The following BMPR1A variants were observed in gnomAD, a reference collection of about 807,000 sequenced individuals.
The protein encoded by BMPR1A is bone morphogenetic protein receptor type 1A, also known as bone morphogenetic protein receptor type-1A.
BMPR1A carries 7 observed loss-of-function variants against 66.0 expected under a neutral mutation model. The observed-to-expected ratio is 0.11, with a 90% CI of 0.06 to 0.20. The LOEUF is 0.20. Among genes scored for constraint, BMPR1A ranks in the 10% least tolerant of loss-of-function variants. The probability of loss-of-function intolerance (pLI) is 1.00; values close to 1 mark genes in which losing one functional copy is unlikely to be tolerated. For synonymous variants in BMPR1A, 200 were observed against 229.7 expected, an observed-to-expected ratio of 0.87 and a Z score of 1.17; for missense variants, 408 against 669.1, an observed-to-expected ratio of 0.61 and a Z score of 4.31.
chr10:86,766,615 G>A (rs1308568953), intron 1 of BMPR1A, among the ~76,000 whole-genome samples: 1 of 101,156 alleles, frequency 9.9e-6, no homozygotes, highest in African/African-American at 6.9e-5. Flanking sequence ...AATCATATCA[G>A]TCTTTTTTTT....
intron 7 of BMPR1A, among the ~76,000 whole-genome samples, chr10:86,910,295 G>A (rs1028269309): frequency 6.6e-6 from 1 of 152,090 alleles, no homozygotes; most frequent in Admixed American, 6.6e-5. Context: ...CTGAGATTGC[G>A]CCATTGCACT....
chr10:86,814,673 A>G (rs1456664589), intron 1 of BMPR1A, among the ~76,000 whole-genome samples: 1 of 152,122 alleles, frequency 6.6e-6, no homozygotes, highest in Non-Finnish European at 1.5e-5. Context: ...AAATACTAAT[A>G]GTAGGTTCTA....
At position 86,892,093 on chromosome 10, in the gene BMPR1A, ATGTTTTGTTT is replaced by A. The variant is rs772231659; in HGVS notation, c.231-22_231-13del. ...TCGTTAGTACTTTCTATGTGAATTT[ATGTTTTGTTT>A]TGTTTTGTTTTTTTCTGTTTTAGAA... On this transcript the variant is annotated intron_variant, in intron 4 of 12. Coordinates refer to ENST00000372037, the MANE Select transcript of BMPR1A (RefSeq NM_004329.3). The A allele has an allele frequency of 3.3e-6, 5 of 1,536,592 alleles. No individual in the cohort carries two copies. The South Asian group carries it at 4.5e-5, about 14-fold the overall frequency.
At chr10:86,766,801 G>A (rs1056302742) in intron 1 of BMPR1A, among the ~76,000 whole-genome samples, 1 of 151,246 alleles carries the variant, frequency 6.6e-6, no homozygotes, top group African/African-American at 2.4e-5. Context: ...GTGGAGACGG[G>A]GTTTCACCGT....
rs186173839 is a variant in BMPR1A, at chr10:86,869,626, G to T, written c.-152-6241G>T. Among the ~76,000 whole-genome samples the T allele has an allele frequency of 7.2e-3, 1,097 of 152,006 alleles. 34 individuals are homozygous for T. In the East Asian group the frequency reaches 0.078, roughly 11 times the overall value. ...ACAAAAATTAGCTGGGCGTGATGGC[G>T]CATGCCTGTAATCTCAGCTACTCGG... On this transcript the variant is annotated intron_variant, in intron 2 of 12. Transcript: ENST00000372037.
intron 3 of BMPR1A, among the ~76,000 whole-genome samples, chr10:86,886,641 A>G (rs1843070644): frequency 6.6e-6 from 1 of 152,084 alleles, no homozygotes; most frequent in Non-Finnish European, 1.5e-5. Context: ...GCTGTCCCCT[A>G]GGGAGAGCAC....
intron 1 of BMPR1A, among the ~76,000 whole-genome samples, chr10:86,772,044 C>A (rs1160183828): frequency 6.7e-6 from 1 of 148,390 alleles, no homozygotes; most frequent in African/African-American, 2.6e-5. Flanking sequence ...ATTCTTCCCA[C>A]ATACCTTCTT....
chr10:86,923,656 C>A lies in BMPR1A; in HGVS notation c.1536C>A (p.Leu512=), dbSNP rs758796892. ...ECWAHNPASR[L]TALRIKKTLA... is the part of the protein sequence containing the mutation. ...GGGCCCACAATCCAGCCTCCAGACTCACAGCATTGAGAATTAAGAAGACGC... is the reference window on the plus strand; with the variant it reads ...GGGCCCACAATCCAGCCTCCAGACTAACAGCATTGAGAATTAAGAAGACGC... The change falls in exon 13 of 13, where the codon CTC becomes CTA. Residue 512 remains leucine, a synonymous_variant. Transcript: ENST00000372037. 6.2e-7 allele frequency: 1 copy of A among 1,614,212 alleles called. No individual in the cohort carries two copies. Among genetic ancestry groups the A allele is most frequent in the African/African-American group, 1.3e-5 (1 of 75,056 alleles).
rs1165681364 is a variant in BMPR1A, at chr10:86,924,042, T to C, written c.*323T>C. The C allele has an allele frequency of 9.4e-6, 4 of 425,946 alleles. No homozygotes were observed. The East Asian group carries it at 1.6e-4, about 17-fold the overall frequency. The allele number at this position is 425,946 out of a possible 1,614,324, so 26.4% of individuals were successfully genotyped here. ...GTCAAGCTCTGGGTACTGAATTGCC[T>C]GTTCATAAAACGGTGCTTTCTGTGA... is the stretch of plus-strand genomic sequence containing the variant. On this transcript the variant is annotated 3_prime_UTR_variant, in exon 13 of 13. Transcript: ENST00000372037.
Position 86,890,243 on chromosome 10 carries a change from C to T in BMPR1A, c.230+19C>T, listed in dbSNP as rs751663790. 1.2e-6 allele frequency: 2 copies of T among 1,612,218 alleles called. No individual in the cohort carries two copies. The highest frequency in any genetic ancestry group is 1.7e-6 in the Non-Finnish European group (2 of 1,178,444). ...CATGCATGTAAGTATTTTATGCAGC[C>T]CTTCTTAAGAGTTAGGAGAATAGAG... is the stretch of plus-strand genomic sequence containing the variant. On this transcript the variant is annotated intron_variant, in intron 4 of 12. Coordinates refer to ENST00000372037, the MANE Select transcript of BMPR1A (RefSeq NM_004329.3).
intron 1 of BMPR1A, among the ~76,000 whole-genome samples, chr10:86,828,110 C>T (rs1404489962): frequency 5.3e-5 from 8 of 152,194 alleles, no homozygotes; most frequent in African/African-American, 1.9e-4. Context: ...CGAAATCGTG[C>T]CACTGCACTC....
At chr10:86,883,901 G>A (rs1287132932) in intron 3 of BMPR1A, among the ~76,000 whole-genome samples, 2 of 145,746 alleles carry the variant, frequency 1.4e-5, no homozygotes, top group South Asian at 2.2e-4. Context: ...TTTGAGACGA[G>A]TCTTGCTCTG....
At position 86,766,277 on chromosome 10, in the gene BMPR1A, G is replaced by C. The variant is rs7916496; in HGVS notation, c.-268+9358G>C. ...AAAGTGCTGAGATTACAGGTGTGAGGTGTTGTGCGCAGCCTTAATCATCTC... is the reference window on the plus strand; with the variant it reads ...AAAGTGCTGAGATTACAGGTGTGAGCTGTTGTGCGCAGCCTTAATCATCTC... On this transcript the variant is annotated intron_variant, in intron 1 of 12. Transcript: ENST00000372037. 0.24 allele frequency among the ~76,000 whole-genome samples: 37,220 copies of C among 151,990 alleles called. 7,816 individuals carry two copies. Among genetic ancestry groups the C allele is most frequent in the African/African-American group, 0.58 (23,836 of 41,424 alleles).
At position 86,915,686 on chromosome 10, in the gene BMPR1A, C is replaced by T. The variant is rs185363885; in HGVS notation, c.676-1448C>T. 3.7e-3 allele frequency among the ~76,000 whole-genome samples: 569 copies of T among 152,110 alleles called. 2 individuals are homozygous for T. Among genetic ancestry groups the T allele is most frequent in the Admixed American group, 7.1e-3 (108 of 15,278 alleles). Reference sequence around the variant, plus strand: ...GAAGTTGCAGTGAGCTGAGATTGGCCGCCGCACTCCAGCCTGAGCAACGGA... The same window carrying T: ...GAAGTTGCAGTGAGCTGAGATTGGCTGCCGCACTCCAGCCTGAGCAACGGA... On this transcript the variant is annotated intron_variant, in intron 8 of 12. Transcript: ENST00000372037.
intron 3 of BMPR1A, 151 bp downstream of exon 3, chr10:86,876,236 A>G: frequency 1.4e-6 from 1 of 715,048 alleles, no homozygotes; most frequent in Non-Finnish European, 2.4e-6. Context: ...CACGTGCCAA[A>G]TAATTTTTTA....
chr10:86,868,230 G>A (rs1347824915), intron 2 of BMPR1A, among the ~76,000 whole-genome samples: 3 of 152,196 alleles, frequency 2.0e-5, no homozygotes, highest in African/African-American at 7.2e-5. Context: ...ATTTCGGTAA[G>A]ATTTCTGTGT....
At chr10:86,929,067 G>A (rs1843784396), downstream of BMPR1A, 1 of 151,850 alleles carries the variant, frequency 6.6e-6, no homozygotes, top group South Asian at 2.1e-4. Flanking sequence ...AGAAGATGGA[G>A]TAATTTCTGT....
At chr10:86,791,730 T>TTCCC (rs1554879051) in intron 1 of BMPR1A, among the ~76,000 whole-genome samples, 22 of 80,478 alleles carry the variant, frequency 2.7e-4, no homozygotes, top group South Asian at 1.2e-3. Context: ...CCTTCCTTCC[T>TTCCC]TCCCTCCCTC....
At chr10:86,888,327 G>A (rs191682361) in intron 3 of BMPR1A, among the ~76,000 whole-genome samples, 350 of 152,134 alleles carry the variant, frequency 2.3e-3, no homozygotes, top group Non-Finnish European at 3.0e-3. Context: ...AATTAGCTAG[G>A]CGTTGTGTGG....
Sources: allele counts gnomAD v4.1 joint callset (sites outside exome capture counted in the v4.1 genomes callset), GRCh38; gene constraint gnomAD v4.1.1; transcripts MANE v1.5; gene names NCBI Gene and HGNC (gene_info 2026-07-23, HGNC 2026-07-21).